Variants in FKTN observed in about 807,000 individuals in gnomAD.
FKTN encodes the protein ribitol-5-phosphate transferase FKTN.
FKTN carries 47 observed loss-of-function variants against 58.6 expected under a neutral mutation model. That is an observed-to-expected ratio of 0.80 (90% CI 0.63 to 1.02). The LOEUF is 1.02. Ranked by LOEUF, FKTN falls within the 50% of genes least tolerant of loss-of-function variation. FKTN has a pLI of 0.00. For missense variants in FKTN, 516 were observed against 537.3 expected (o/e 0.96, Z 0.39); for synonymous variants, 178 against 191.9 (o/e 0.93, Z 0.60).
chr9:105,617,270 T>C (rs1239533051), intron 8 of FKTN, among the ~76,000 whole-genome samples: 1 of 152,202 alleles, frequency 6.6e-6, no homozygotes, highest in Admixed American at 6.5e-5. Context: ...TTAAGGTACA[T>C]GTTTTATTTC....
intron 10 of FKTN, among the ~76,000 whole-genome samples, chr9:105,624,728 C>A (rs953226682): frequency 6.6e-6 from 1 of 151,862 alleles, no homozygotes; most frequent in African/African-American, 2.4e-5. Flanking sequence ...TCGTCCCAGT[C>A]TCCCTTTCAA....
chr9:105,577,281 C>T (rs1334467610), intron 3 of FKTN, among the ~76,000 whole-genome samples: 2 of 141,414 alleles, frequency 1.4e-5, no homozygotes, highest in African/African-American at 2.7e-5. Context: ...AGGTTTTCTT[C>T]TAGGGTTTTT....
At chr9:105,630,869 C>T (rs530931906) in intron 10 of FKTN, among the ~76,000 whole-genome samples, 12 of 152,122 alleles carry the variant, frequency 7.9e-5, no homozygotes, top group Non-Finnish European at 1.8e-4. Flanking sequence ...CATGGTGGCT[C>T]ACATCTGTAA....
intron 8 of FKTN, 93 bp from the exon 9 acceptor site, chr9:105,617,866 A>G: frequency 9.1e-6 from 8 of 876,306 alleles, no homozygotes; most frequent in Non-Finnish European, 1.4e-5. Context: ...TTAAAAAAAA[A>G]GAAAAAAAAT....
intron 3 of FKTN, among the ~76,000 whole-genome samples, chr9:105,584,176 CT>C (rs1190532859): frequency 6.6e-6 from 1 of 152,068 alleles, no homozygotes; most frequent in East Asian, 1.9e-4. Context: ...ACTTGTGAAG[CT>C]TAAATGAATT....
chr9:105,573,238 C>CAA lies in FKTN; in HGVS notation c.-180-407_-180-406dup, dbSNP rs34674142. Among the ~76,000 whole-genome samples the CAA allele has an allele frequency of 2.3e-3, 344 of 148,020 alleles. 2 individuals are homozygous for CAA. The highest frequency in any genetic ancestry group is 0.014 in the East Asian group (73 of 5,054). The stretch of plus-strand genomic sequence containing the variant: ...TGAGTGACAGAGGGAGACTCTGTCT[C>CAA]AAAAAAAAAAATGCTTAATTGTAGT... On this transcript the variant is annotated intron_variant, in intron 1 of 10. Coordinates refer to ENST00000357998, the MANE Select transcript of FKTN (RefSeq NM_001079802.2).
At chr9:105,604,525 T>C in intron 6 of FKTN, 33 bp downstream of exon 6, 1 of 1,570,034 alleles carries the variant, frequency 6.4e-7, no homozygotes, top group East Asian at 2.2e-5. Context: ...AAATGTGAAA[T>C]GAGTGTTGTT....
intron 3 of FKTN, among the ~76,000 whole-genome samples, chr9:105,587,005 GT>G (rs1844032040): frequency 6.6e-6 from 1 of 152,102 alleles, no homozygotes; most frequent in Non-Finnish European, 1.5e-5. Context: ...ATATAAATTT[GT>G]TCAAAAGAAA....
chr9:105,625,125 A>C (rs1022417165), intron 10 of FKTN, among the ~76,000 whole-genome samples: 1 of 152,354 alleles, frequency 6.6e-6, no homozygotes, highest in Non-Finnish European at 1.5e-5. Flanking sequence ...TAGAAAAAAA[A>C]TCACATGGTA....
intron 7 of FKTN, among the ~76,000 whole-genome samples, 178 bp downstream of exon 7, chr9:105,608,129 ATTAACC>A (rs1212952722): frequency 6.6e-6 from 1 of 152,196 alleles, no homozygotes; most frequent in Non-Finnish European, 1.5e-5. Context: ...TAGATTAAAA[ATTAACC>A]TTAAGAAACT....
In FKTN at chr9:105,636,930, A is replaced by G. The variant is rs780344573; in HGVS notation, c.*1666A>G. ...GTCTTCTGTCCTAATTTGCATTCTC[A>G]ATGCAGAATTATTGGGTCTTTCATA... is the stretch of plus-strand genomic sequence containing the variant. On this transcript the variant is annotated 3_prime_UTR_variant, in exon 11 of 11. Transcript: ENST00000357998. 4 of 1,060,134 alleles carry G rather than the reference A, an allele frequency of 3.8e-6. No homozygotes were observed. Among genetic ancestry groups the G allele is most frequent in the Non-Finnish European group, 4.6e-6 (4 of 863,640 alleles). 65.7% of individuals were successfully genotyped at this position (1,060,134 alleles called of 1,614,324 possible).
rs1408037595 is a variant in FKTN, at chr9:105,636,794, A to G, written c.*1530A>G. On this transcript the variant is annotated 3_prime_UTR_variant, in exon 11 of 11. Transcript: ENST00000357998. Reference sequence around the variant, plus strand: ...TCAAGAATGGAAACCTGAATGTCTGAGGGAATGGGCTGGTAGACTTTTTCG... The same window carrying G: ...TCAAGAATGGAAACCTGAATGTCTGGGGGAATGGGCTGGTAGACTTTTTCG... 1.6e-6 allele frequency: 2 copies of G among 1,265,172 alleles called. No homozygotes were observed. Among genetic ancestry groups the G allele is most frequent in the East Asian group, 5.8e-5 (1 of 17,310 alleles). 78.4% of individuals were successfully genotyped at this position (1,265,172 alleles called of 1,614,324 possible).
chr9:105,586,751 A>G (rs953324559), intron 3 of FKTN, among the ~76,000 whole-genome samples: 4 of 152,214 alleles, frequency 2.6e-5, no homozygotes, highest in Non-Finnish European at 5.9e-5. Context: ...TGTCTCACTT[A>G]GTGTCTGATA....
rs572836944 is a variant in FKTN, at chr9:105,580,599, A to G, written c.105+5462A>G. Among the ~76,000 whole-genome samples the G allele has an allele frequency of 2.2e-3, 163 of 73,662 alleles. 3 individuals carry two copies. The highest frequency in any genetic ancestry group is 8.4e-3 in the Middle Eastern group (2 of 238). 48.3% of individuals were successfully genotyped at this position (73,662 alleles called of 152,430 possible). A position where few individuals can be genotyped will look rare whatever the true frequency, so the allele number is the denominator to read the frequency against. On this transcript the variant is annotated intron_variant, in intron 3 of 10. Transcript: ENST00000357998. ...ACCTTTCTCTCTGGCTGCCCTTAAC[A>G]TTTTTTCCTTCATTTCAACTTTGGT...
At chr9:105,572,251 T>C (rs1840870407) in intron 1 of FKTN, among the ~76,000 whole-genome samples, 1 of 151,192 alleles carries the variant, frequency 6.6e-6, no homozygotes, top group Non-Finnish European at 1.5e-5. Context: ...TATATATATA[T>C]TTTAGTGTTT....
Position 105,638,297 on chromosome 9 carries a change from C to T in FKTN, c.*3033C>T, listed in dbSNP as rs1834188279. On this transcript the variant is annotated 3_prime_UTR_variant, in exon 11 of 11. Transcript: ENST00000357998. ...TCAGGGTGTTTCTGCCGCTTAGTAT[C>T]TTTTTGTTCAGATTGAGAACCTAAG... The T allele has an allele frequency of 1.0e-6, 1 of 985,294 alleles. No individual in the cohort carries two copies. Among genetic ancestry groups the T allele is most frequent in the African/African-American group, 1.7e-5 (1 of 57,222 alleles). The allele number at this position is 985,294 out of a possible 1,614,324, so 61.0% of individuals were successfully genotyped here. A position where few individuals can be genotyped will look rare whatever the true frequency, so the allele number is the denominator to read the frequency against.
At chr9:105,593,538 T>C (rs529783943) in intron 3 of FKTN, among the ~76,000 whole-genome samples, 1 of 152,294 alleles carries the variant, frequency 6.6e-6, no homozygotes, top group African/African-American at 2.4e-5. Flanking sequence ...TGGAGTGTTG[T>C]AAGCATATAG....
chr9:105,616,316 T>C (rs771154940), intron 8 of FKTN, among the ~76,000 whole-genome samples: 5 of 152,188 alleles, frequency 3.3e-5, no homozygotes, highest in Non-Finnish European at 7.3e-5. Context: ...TTTACTTATA[T>C]ACCATTCAAA....
rs117894074 is a variant in FKTN, at chr9:105,622,545, T to A, written c.1172+2484T>A. On this transcript the variant is annotated intron_variant, in intron 10 of 10. Transcript: ENST00000357998. ...ATATATATAATCTGGTTAATCCTCA[T>A]ACTATCCCTGTGGGTTCGGTATTCT... Among the ~76,000 whole-genome samples the A allele has an allele frequency of 2.1e-3, 318 of 152,064 alleles. 1 individual carries two copies. The highest frequency in any genetic ancestry group is 3.3e-3 in the Non-Finnish European group (227 of 67,906).
Sources: gnomAD v4.1 joint callset for allele counts (sites outside exome capture counted in the v4.1 genomes callset) on GRCh38, gnomAD v4.1.1 for gene constraint, MANE v1.5 for transcripts, NCBI Gene and HGNC (gene_info 2026-07-23, HGNC 2026-07-21) for gene names.